Variants in ITGB8 observed in about 807,000 individuals in gnomAD.
The protein encoded by ITGB8 is integrin beta-8.
ITGB8 carries 30 observed loss-of-function variants against 89.5 expected under a neutral mutation model. That is an observed-to-expected ratio of 0.34 (90% CI 0.25 to 0.45). ITGB8 has a LOEUF of 0.45. ITGB8 is among the 20% of genes least tolerant of loss of function. ITGB8 has a pLI of 1.00. For missense variants in ITGB8, 836 were observed against 933.3 expected, an observed-to-expected ratio of 0.90 and a Z score of 1.36; for synonymous variants, 335 against 320.4, an observed-to-expected ratio of 1.05 and a Z score of -0.49.
At chr7:20,378,939 G>T (rs1786263277) in intron 3 of ITGB8, 112 bp from the exon 4 acceptor site, 1 of 613,146 alleles carries the variant, frequency 1.6e-6, no homozygotes, top group Admixed American at 3.2e-5. Context: ...CAAATTTTAT[G>T]TGCAAATTTG....
At chr7:20,379,318 A>T in intron 4 of ITGB8, 21 bp downstream of exon 4, 1 of 1,436,848 alleles carries the variant, frequency 7.0e-7, no homozygotes, top group Non-Finnish European at 9.2e-7. Context: ...TTTGATGTGG[A>T]TATGCTAAAT....
chr7:20,331,702 G>T lies in ITGB8; in HGVS notation c.-105G>T. 1 of 1,369,354 alleles carries T rather than the reference G, an allele frequency of 7.3e-7. No individual in the cohort carries two copies. The allele number at this position is 1,369,354 out of a possible 1,614,324, so 84.8% of individuals were successfully genotyped here. ...TCCGCCTGCTAGGCCTGCGGAAAAC[G>T]TCCTAGCGACACTCGGCCCGCGGGC... On this transcript the variant is annotated 5_prime_UTR_variant, in exon 1 of 14. Transcript: ENST00000222573.
At chr7:20,370,874 A>C (rs924678485) in intron 3 of ITGB8, among the ~76,000 whole-genome samples, 132 of 152,300 alleles carry the variant, frequency 8.7e-4, no homozygotes, top group African/African-American at 2.9e-3. Context: ...TCGGCTTCCC[A>C]AAGTGCTGGG....
chr7:20,346,706 A>G, intron 1 of ITGB8: 4 of 985,212 alleles, frequency 4.1e-6, no homozygotes, highest in African/African-American at 1.7e-5. Context: ...GTCTTAAGAC[A>G]CTCTTGACTC....
intron 1 of ITGB8, among the ~76,000 whole-genome samples, chr7:20,340,284 A>C (rs1260418128): frequency 6.6e-6 from 1 of 152,252 alleles, no homozygotes; most frequent in Non-Finnish European, 1.5e-5. Context: ...GGATTGCCAA[A>C]AAATTCACAG....
chr7:20,386,851 G>C (rs1786647986), intron 6 of ITGB8, among the ~76,000 whole-genome samples: 1 of 152,074 alleles, frequency 6.6e-6, no homozygotes, highest in African/African-American at 2.4e-5. Context: ...GATGTTGTAG[G>C]TAAGTCATAC....
At position 20,394,926 on chromosome 7, in the gene ITGB8, G is replaced by A. The variant is rs1337335166; in HGVS notation, c.1087G>A (p.Ala363Thr). 2 of 1,613,308 alleles carry A rather than the reference G, an allele frequency of 1.2e-6. No homozygotes were observed. The highest frequency in any genetic ancestry group is 2.2e-5 in the East Asian group (1 of 44,876). ...DLLPLLPGTI[A>T]GEIESKAANL... ...TCTACCCCTCTTGCCAGGCACCATT[G>A]CTGGTGAAATAGAATCAAAGGCTGC... is the stretch of plus-strand genomic sequence containing the variant. Residue 363 changes from alanine to threonine, a missense_variant, in exon 8 of 14, where the codon GCT becomes ACT. By Grantham distance (58) the Ala-to-Thr change is moderately conservative. Around this residue, in one of 5 missense-constraint regions of ITGB8, gnomAD observed 192 missense variants for 267.1 expected, o/e 0.72. Transcript: ENST00000222573.
intron 1 of ITGB8, among the ~76,000 whole-genome samples, chr7:20,360,531 A>G (rs1184789361): frequency 2.6e-5 from 4 of 151,980 alleles, no homozygotes; most frequent in Non-Finnish European, 5.9e-5. Flanking sequence ...TCCAATGTCC[A>G]TTAAACCATT....
intron 9 of ITGB8, among the ~76,000 whole-genome samples, chr7:20,401,076 G>C (rs1787289182): frequency 6.6e-6 from 1 of 151,646 alleles, no homozygotes; most frequent in South Asian, 2.1e-4. Flanking sequence ...CCGGGTTCAA[G>C]CAATTCTCCT....
chr7:20,370,579 CTTTA>C (rs1417280924), intron 3 of ITGB8, among the ~76,000 whole-genome samples: 26 of 145,332 alleles, frequency 1.8e-4, no homozygotes, highest in East Asian at 9.8e-4. Context: ...TTTTACACTA[CTTTA>C]TTTATTTATT....
Position 20,331,566 on chromosome 7 carries a change from T to TCGCGGAGAC in ITGB8, c.-235_-227dup. The TCGCGGAGAC allele has an allele frequency of 2.2e-6, 1 of 456,524 alleles. No individual in the cohort carries two copies. The highest frequency in any genetic ancestry group is 3.7e-6 in the Non-Finnish European group (1 of 266,760). 28.3% of individuals were successfully genotyped at this position (456,524 alleles called of 1,614,324 possible). ...CCTTGGCCGTCGAAGGAGGTGCTTC[T>TCGCGGAGAC]CGCGGAGACCGCGGGACCCGCCGTG... On this transcript the variant is annotated 5_prime_UTR_variant, in exon 1 of 14. Transcript: ENST00000222573.
chr7:20,387,530 G>A (rs940956927), intron 6 of ITGB8, among the ~76,000 whole-genome samples: 1 of 152,166 alleles, frequency 6.6e-6, no homozygotes, highest in Non-Finnish European at 1.5e-5. Flanking sequence ...CAGATGATCT[G>A]TTTTCAGAGC....
intron 1 of ITGB8, chr7:20,352,668 T>G (rs1785150643): frequency 6.6e-6 from 1 of 152,256 alleles, no homozygotes; most frequent in Non-Finnish European, 1.5e-5. Context: ...TAACTCATGG[T>G]GTTCTCTTTC....
In ITGB8 at chr7:20,391,459, C is replaced by T. The variant is rs1178673717; in HGVS notation, c.1017C>T (p.Val339=). 1 of 1,604,402 alleles carries T rather than the reference C, an allele frequency of 6.2e-7. No individual in the cohort carries two copies. The highest frequency in any genetic ancestry group is 1.3e-5 in the African/African-American group (1 of 74,508). ...AATTAATAGACAACAACATTAATGT[C>T]ATCTTTGCAGTTCAAGGAAAACAAT... ...SEKLIDNNIN[V]IFAVQGKQFH... is the part of the protein sequence containing the mutation. The change falls in exon 7 of 14, where the codon GTC becomes GTT. Residue 339 remains valine, a synonymous_variant. Transcript: ENST00000222573.
At chr7:20,396,462 A>G (rs2127977918) in intron 8 of ITGB8, among the ~76,000 whole-genome samples, 1 of 152,188 alleles carries the variant, frequency 6.6e-6, no homozygotes, top group Non-Finnish European at 1.5e-5. Context: ...GAACTTGTTT[A>G]AACTTTCATC....
At chr7:20,337,763 T>C (rs952919788) in intron 1 of ITGB8, among the ~76,000 whole-genome samples, 28 of 152,350 alleles carry the variant, frequency 1.8e-4, no homozygotes, top group African/African-American at 6.0e-4. Context: ...GGTTCAGCTC[T>C]AGCTGTCCTC....
intron 1 of ITGB8, among the ~76,000 whole-genome samples, chr7:20,356,130 C>G (rs186977185): frequency 6.6e-6 from 1 of 152,124 alleles, no homozygotes; most frequent in East Asian, 1.9e-4. Context: ...CTTAATCCCT[C>G]GTAACATTTA....
At chr7:20,399,855 AAAG>A (rs1787238094) in intron 9 of ITGB8, among the ~76,000 whole-genome samples, 1 of 152,214 alleles carries the variant, frequency 6.6e-6, no homozygotes, top group Non-Finnish European at 1.5e-5. Context: ...CTATAGAAAA[AAAG>A]AAAAAGTTAT....
intron 1 of ITGB8, among the ~76,000 whole-genome samples, chr7:20,347,254 C>A (rs1408517097): frequency 6.6e-6 from 1 of 152,168 alleles, no homozygotes; most frequent in African/African-American, 2.4e-5. Flanking sequence ...TACTTTACTA[C>A]TCAGGTGGTG....
Sources: allele counts gnomAD v4.1 joint callset (sites outside exome capture counted in the v4.1 genomes callset), GRCh38; gene constraint gnomAD v4.1.1; regional missense constraint gnomAD v4.1.1; transcripts MANE v1.5; gene names NCBI Gene and HGNC (gene_info 2026-07-23, HGNC 2026-07-21).